Variants in IP6K3 observed in about 807,000 individuals in gnomAD.
The protein encoded by IP6K3 is inositol hexakisphosphate kinase 3, also known as ATP:1D-myo-inositol-hexakisphosphate phosphotransferase.
Under a neutral mutation model 28.8 loss-of-function variants are expected in IP6K3, and 20 were observed. The ratio of observed to expected loss-of-function variants is 0.70; its 90% CI spans 0.49 to 1.01. The LOEUF (loss-of-function observed/expected upper bound fraction) is 1.01, where lower values mean the gene tolerates loss of function less well. Among genes scored for constraint, IP6K3 ranks in the 50% least tolerant of loss-of-function variants. IP6K3 has a pLI of 0.00. For synonymous variants in IP6K3, 213 were observed against 221.3 expected (o/e 0.96, Z 0.33); for missense variants, 480 against 537.1 (o/e 0.89, Z 1.05).
intron 5 of IP6K3, 107 bp from the exon 6 acceptor site, chr6:33,723,294 A>G: frequency 2.8e-6 from 2 of 705,610 alleles, no homozygotes; most frequent in Admixed American, 3.0e-5. Flanking sequence ...ACAGATTTTT[A>G]GGAGATGTAG....
intron 2 of IP6K3, 64 bp downstream of exon 2, chr6:33,735,214 G>A: frequency 2.9e-6 from 4 of 1,366,388 alleles, no homozygotes; most frequent in Non-Finnish European, 4.1e-6. Flanking sequence ...CGTGGTGGGT[G>A]CATTGGATGA....
chr6:33,758,337 A>G, the IP6K3 span, among the ~76,000 whole-genome samples: 3 of 152,056 alleles, frequency 2.0e-5, no homozygotes, highest in African/African-American at 7.2e-5. Flanking sequence ...CAATTTAGGG[A>G]GACCCATCTC....
chr6:33,747,992 G>A (rs1766959380), upstream of IP6K3, among the ~76,000 whole-genome samples: 1 of 152,106 alleles, frequency 6.6e-6, no homozygotes, highest in Non-Finnish European at 1.5e-5. The surrounding 1 kb of genome is among the most constrained non-coding windows in gnomAD (Gnocchi z 5.2). Flanking sequence ...TTCATCAGGG[G>A]ACAGGCTTCA....
Position 33,735,398 on chromosome 6 carries a change from C to A in IP6K3, c.79G>T (p.Gly27Trp), listed in dbSNP as rs1317423936. The change falls in exon 2 of 6, where the codon GGG becomes TGG. Residue 27 changes from glycine to tryptophan, a missense_variant. By Grantham distance (184) the Gly-to-Trp change is radical. Transcript: ENST00000293756. ...TCATACTTCATCACGCTCATGTGCCCCCCGACCTGGTGCAGGAAGGGCTCC... is the reference window on the plus strand; with the variant it reads ...TCATACTTCATCACGCTCATGTGCCACCCGACCTGGTGCAGGAAGGGCTCC... The part of the protein sequence containing the change: ...QLEPFLHQVG[G>W]HMSVMKYDEH... 1 of 1,607,442 alleles carries A rather than the reference C, an allele frequency of 6.2e-7. No individual in the cohort carries two copies. Among genetic ancestry groups the A allele is most frequent in the African/African-American group, 1.3e-5 (1 of 74,838 alleles).
At chr6:33,755,311 C>T in the IP6K3 span, among the ~76,000 whole-genome samples, 1 of 152,256 alleles carries the variant, frequency 6.6e-6, no homozygotes, top group African/African-American at 2.4e-5. Flanking sequence ...TTTCCAGCCC[C>T]TGCAGGTGCA....
At chr6:33,734,926 C>T (rs980200306) in intron 2 of IP6K3, among the ~76,000 whole-genome samples, 3 of 152,184 alleles carry the variant, frequency 2.0e-5, no homozygotes, top group Non-Finnish European at 2.9e-5. Context: ...CCATTTTGCC[C>T]TGTGTTTACA....
intron 1 of IP6K3, among the ~76,000 whole-genome samples, chr6:33,743,663 C>T (rs1582228599): frequency 6.6e-6 from 1 of 152,210 alleles, no homozygotes; most frequent in African/African-American, 2.4e-5. Context: ...CCGTGTGGCT[C>T]TCCGGCTCGG....
At chr6:33,741,217 A>G (rs1766707934) in intron 1 of IP6K3, among the ~76,000 whole-genome samples, 1 of 152,212 alleles carries the variant, frequency 6.6e-6, no homozygotes, top group Non-Finnish European at 1.5e-5. Flanking sequence ...ATATAGCATT[A>G]TGGAAATAAA....
At chr6:33,749,538 C>T (rs1055479827), upstream of IP6K3, among the ~76,000 whole-genome samples, 6 of 150,420 alleles carry the variant, frequency 4.0e-5, no homozygotes, top group Admixed American at 3.9e-4. Flanking sequence ...TTGCTCCCTG[C>T]TGCTTCCTAG....
chr6:33,725,590 A>T lies in IP6K3; in HGVS notation c.616T>A (p.Ser206Thr), dbSNP rs1271227659. The change falls in exon 5 of 6, where the codon TCA (serine) becomes ACA (threonine). Residue 206 changes from serine (S) to threonine (T), a missense_variant. Coordinates refer to ENST00000293756, the MANE Select transcript of IP6K3 (RefSeq NM_054111.5). ...AGGACACAGGGATGCGTGTACTGTG[A>T]CACTACATTTTCCAGCAACAAGAAC... ...HRFLLLENVV[S>T]QYTHPCVLDL... 8.7e-6 allele frequency: 14 copies of T among 1,613,964 alleles called. No individual in the cohort carries two copies. The highest frequency in any genetic ancestry group is 1.0e-5 in the Non-Finnish European group (12 of 1,179,934).
intron 2 of IP6K3, among the ~76,000 whole-genome samples, chr6:33,733,205 AG>A (rs1334954336): frequency 2.0e-5 from 3 of 152,248 alleles, no homozygotes; most frequent in African/African-American, 7.2e-5. Context: ...GCAGATGCTG[AG>A]GCATCCCCTG....
chr6:33,757,410 T>C, the IP6K3 span, among the ~76,000 whole-genome samples: 49,667 of 152,094 alleles, frequency 0.33, 9,490 homozygotes, highest in African/African-American at 0.53. Context: ...ATAATATTTA[T>C]GTGTCGTAAC....
intron 1 of IP6K3, among the ~76,000 whole-genome samples, chr6:33,739,761 C>T (rs1267104989): frequency 2.6e-5 from 4 of 152,258 alleles, no homozygotes; most frequent in Admixed American, 2.6e-4. Context: ...CTTTGATCAA[C>T]GCCCTGGGCC....
At chr6:33,759,911 C>T in the IP6K3 span, among the ~76,000 whole-genome samples, 1 of 151,902 alleles carries the variant, frequency 6.6e-6, no homozygotes, top group Non-Finnish European at 1.5e-5. Context: ...ACAGAAGCCC[C>T]TAGTATATGG....
chr6:33,758,431 T>A, the IP6K3 span, among the ~76,000 whole-genome samples: 1 of 152,100 alleles, frequency 6.6e-6, no homozygotes, highest in Non-Finnish European at 1.5e-5. Context: ...CCCAGCTACT[T>A]GGGAGAATCT....
At chr6:33,747,655 CCCAGAGGCCCAG>C (rs780623236), upstream of IP6K3, among the ~76,000 whole-genome samples, 16 of 151,736 alleles carry the variant, frequency 1.1e-4, no homozygotes, top group Non-Finnish European at 1.9e-4. The surrounding 1 kb of genome is among the most constrained non-coding windows in gnomAD (Gnocchi z 5.2). Flanking sequence ...GGCCCAGAGG[CCCAGAGGCCCAG>C]AGGCAGGTGG....
At chr6:33,749,597 C>T (rs1326251719), upstream of IP6K3, among the ~76,000 whole-genome samples, 2 of 150,560 alleles carry the variant, frequency 1.3e-5, no homozygotes, top group African/African-American at 4.9e-5. Flanking sequence ...GGGGTGCCAC[C>T]ACTCAGGTCC....
intron 5 of IP6K3, 87 bp from the exon 6 acceptor site, chr6:33,723,274 T>C (rs1203604997): frequency 6.9e-6 from 6 of 868,986 alleles, no homozygotes; most frequent in Non-Finnish European, 1.0e-5. Flanking sequence ...TAAGCTGGGA[T>C]AATATATGAA....
intron 2 of IP6K3, among the ~76,000 whole-genome samples, chr6:33,728,708 C>G (rs553828687): frequency 2.0e-5 from 3 of 152,332 alleles, no homozygotes; most frequent in African/African-American, 7.2e-5. Context: ...TGCGAAGGGG[C>G]CGCCCACCTC....
Sources: gnomAD v4.1 joint callset for allele counts (sites outside exome capture counted in the v4.1 genomes callset) on GRCh38, gnomAD v4.1.1 for gene constraint, Gnocchi (gnomAD v3.1) non-coding constraint, MANE v1.5 for transcripts, NCBI Gene and HGNC (gene_info 2026-07-23, HGNC 2026-07-21) for gene names.